Variants in KLHL6 observed in about 807,000 individuals in gnomAD.
The protein encoded by KLHL6 is kelch like family member 6, also known as kelch-like protein 6.
Under a neutral mutation model 58.6 loss-of-function variants are expected in KLHL6, and 41 were observed. The ratio of observed to expected loss-of-function variants is 0.70; its 90% CI spans 0.55 to 0.91. The LOEUF (loss-of-function observed/expected upper bound fraction) is 0.91. KLHL6 is among the 40% of genes least tolerant of loss of function. The pLI is 0.00. For synonymous variants in KLHL6, 338 were observed against 322.7 expected (o/e 1.05, Z -0.51); for missense variants, 714 against 805.6 (o/e 0.89, Z 1.38).
At chr3:183,507,880 T>A (rs970718380) in intron 3 of KLHL6, among the ~76,000 whole-genome samples, 179 bp downstream of exon 3, 2 of 152,130 alleles carry the variant, frequency 1.3e-5, no homozygotes, top group African/African-American at 2.4e-5. Flanking sequence ...ACACGTGGGA[T>A]CGGCCTCATA....
chr3:183,492,317 C>A lies in KLHL6; in HGVS notation c.1565-89G>T. ...ACTAAAATTCAACTTCTGATTAGGCCAAGTCTACCCTCTTGCCAAGAGAAA... is the reference window on the plus strand; with the variant it reads ...ACTAAAATTCAACTTCTGATTAGGCAAAGTCTACCCTCTTGCCAAGAGAAA... On this transcript the variant is annotated intron_variant, in intron 6 of 6. Transcript: ENST00000341319. This position sits in a 1 kb window ranked among gnomAD's most constrained non-coding sequence, Gnocchi z 5.9. 1 of 1,355,984 alleles carries A rather than the reference C, an allele frequency of 7.4e-7. No individual in the cohort carries two copies. The highest frequency in any genetic ancestry group is 1.0e-6 in the Non-Finnish European group (1 of 998,488). The allele number at this position is 1,355,984 out of a possible 1,614,324, so 84.0% of individuals were successfully genotyped here. A position where few individuals can be genotyped will look rare whatever the true frequency, so the allele number is the denominator to read the frequency against.
Position 183,492,712 on chromosome 3 carries a change from A to G in KLHL6, c.1351-5T>C. 6.2e-7 allele frequency: 1 copy of G among 1,612,748 alleles called. No individual in the cohort carries two copies. Among genetic ancestry groups the G allele is most frequent in the Non-Finnish European group, 8.5e-7 (1 of 1,179,958 alleles). ...ATGGACAAGGAGGGGTGCGGCCTGT[A>G]GAGGCACAGGGCACAAGAAGAAGCT... On this transcript the variant is annotated splice_polypyrimidine_tract_variant and splice_region_variant and intron_variant, in intron 5 of 6. Coordinates refer to ENST00000341319, the MANE Select transcript of KLHL6 (RefSeq NM_130446.4). The surrounding 1 kb of genome is among the most constrained non-coding windows in gnomAD (Gnocchi z 5.9).
intron 1 of KLHL6, among the ~76,000 whole-genome samples, chr3:183,535,106 G>C (rs894773505): frequency 6.6e-6 from 1 of 151,836 alleles, no homozygotes; most frequent in South Asian, 2.1e-4. Flanking sequence ...CACCACGCCT[G>C]GCTAATTTTT....
At chr3:183,500,940 C>T (rs1717849990) in intron 3 of KLHL6, among the ~76,000 whole-genome samples, 1 of 152,218 alleles carries the variant, frequency 6.6e-6, no homozygotes, top group South Asian at 2.1e-4. Flanking sequence ...CCAAGAGCCA[C>T]AAATAGTCAG....
intron 2 of KLHL6, among the ~76,000 whole-genome samples, chr3:183,512,886 T>G (rs1195493115): frequency 1.3e-5 from 2 of 152,030 alleles, no homozygotes; most frequent in Non-Finnish European, 2.9e-5. Flanking sequence ...TCCCATCCAA[T>G]TTCAGGGAAG....
intron 1 of KLHL6, among the ~76,000 whole-genome samples, chr3:183,548,164 A>G (rs7429920): frequency 0.052 from 7,890 of 152,248 alleles, 237 homozygotes; most frequent in Non-Finnish European, 0.06. Context: ...AGGTGAAAAG[A>G]CAGTGCGCTC....
At chr3:183,502,302 C>A (rs75542557) in intron 3 of KLHL6, among the ~76,000 whole-genome samples, 31 of 138,822 alleles carry the variant, frequency 2.2e-4, no homozygotes, top group Non-Finnish European at 2.3e-4. Flanking sequence ...AACTCCATCT[C>A]AAAAAAAAAA....
chr3:183,515,675 C>T (rs1336256373), intron 2 of KLHL6, among the ~76,000 whole-genome samples: 1 of 152,252 alleles, frequency 6.6e-6, no homozygotes, highest in Non-Finnish European at 1.5e-5. Flanking sequence ...TCCCTCCCTC[C>T]TCTGTGCTCC....
At chr3:183,497,118 A>G (rs772388004) in intron 4 of KLHL6, among the ~76,000 whole-genome samples, 1 of 152,084 alleles carries the variant, frequency 6.6e-6, no homozygotes, top group Non-Finnish European at 1.5e-5. Flanking sequence ...ACCTACCAAA[A>G]ATACAAAAAT....
intron 3 of KLHL6, among the ~76,000 whole-genome samples, chr3:183,505,566 AAAC>A (rs1461929628): frequency 2.0e-5 from 3 of 152,200 alleles, no homozygotes; most frequent in Non-Finnish European, 4.4e-5. Context: ...GAAAACAGAA[AAAC>A]AATAGAGAAA....
intron 1 of KLHL6, among the ~76,000 whole-genome samples, chr3:183,542,392 T>C (rs1683342520): frequency 6.6e-6 from 1 of 152,168 alleles, no homozygotes; most frequent in Non-Finnish European, 1.5e-5. Context: ...CCTGTGCATG[T>C]CCTTTATTTC....
At chr3:183,516,727 C>T (rs951897956) in intron 2 of KLHL6, among the ~76,000 whole-genome samples, 1 of 152,220 alleles carries the variant, frequency 6.6e-6, no homozygotes, top group African/African-American at 2.4e-5. Context: ...CACTGAAGTC[C>T]TATTTTAGTC....
At chr3:183,553,877 T>C (rs550491839) in intron 1 of KLHL6, among the ~76,000 whole-genome samples, 1 of 152,000 alleles carries the variant, frequency 6.6e-6, no homozygotes, top group Non-Finnish European at 1.5e-5. Flanking sequence ...CAAACCCAGA[T>C]ATCCCCTTGT....
chr3:183,530,246 T>C (rs1035741211), intron 1 of KLHL6, among the ~76,000 whole-genome samples: 1 of 152,248 alleles, frequency 6.6e-6, no homozygotes, highest in East Asian at 1.9e-4. Context: ...AGAGGAGTTT[T>C]GAGGTAAAAG....
intron 1 of KLHL6, among the ~76,000 whole-genome samples, chr3:183,549,316 A>T (rs1459081262): frequency 6.6e-6 from 1 of 152,208 alleles, no homozygotes; most frequent in Non-Finnish European, 1.5e-5. Context: ...GAAGCCAATG[A>T]TTGTAACACC....
Position 183,555,365 on chromosome 3 carries a change from A to T in KLHL6, c.289T>A (p.Phe97Ile). Residue 97 changes from phenylalanine to isoleucine, a missense_variant, in exon 1 of 7, where the codon TTC (phenylalanine) becomes ATC (isoleucine). By Grantham distance (21) the Phe-to-Ile change is conservative (BLOSUM62 0). This residue lies in a region of KLHL6 where 204 missense variants were observed against 175.9 expected (regional missense o/e 1.16). Transcript: ENST00000341319. ...TCTGGTCCTAGGCATGCTGACCTGA[A>T]ATAGTTGCTGGCTGCGGCAAGCACC... ...RVVLAAASNY[F>I]RAMFCNDLKE... The T allele has an allele frequency of 6.2e-7, 1 of 1,613,836 alleles. No homozygotes were observed.
intron 1 of KLHL6, among the ~76,000 whole-genome samples, chr3:183,539,829 A>G (rs1334099924): frequency 4.6e-5 from 7 of 152,172 alleles, no homozygotes; most frequent in African/African-American, 1.7e-4. Flanking sequence ...TTCCTAGGGA[A>G]GCAGAATCCC....
chr3:183,517,913 A>C (rs1711616914), intron 2 of KLHL6, among the ~76,000 whole-genome samples: 1 of 152,148 alleles, frequency 6.6e-6, no homozygotes, highest in Non-Finnish European at 1.5e-5. Flanking sequence ...CAGGAGCAGG[A>C]ATGGAAGCAG....
chr3:183,537,388 T>A (rs1712400710), intron 1 of KLHL6, among the ~76,000 whole-genome samples: 1 of 152,210 alleles, frequency 6.6e-6, no homozygotes, highest in Admixed American at 6.5e-5. Flanking sequence ...GCTGAGTTGG[T>A]TGCTGACAAC....
Sources: allele counts gnomAD v4.1 joint callset (sites outside exome capture counted in the v4.1 genomes callset), GRCh38; gene constraint gnomAD v4.1.1; regional missense constraint gnomAD v4.1.1; non-coding constraint Gnocchi (gnomAD v3.1); transcripts MANE v1.5; gene names NCBI Gene and HGNC (gene_info 2026-07-23, HGNC 2026-07-21).